ZNF783: variants seen among roughly 807,000 people sequenced by gnomAD.
ZNF783 encodes the protein zinc finger protein 783.
In ZNF783, 25 loss-of-function variants were observed where a neutral mutation model predicts 31.3. The observed-to-expected ratio is 0.80, with a 90% CI of 0.58 to 1.11. ZNF783 has a LOEUF of 1.11. Ranked by LOEUF, ZNF783 falls within the 50% of genes most tolerant of loss-of-function variation. The pLI, the probability that ZNF783 is intolerant of heterozygous loss-of-function variation, is 0.00. For missense variants in ZNF783, 797 were observed against 760.0 expected, an observed-to-expected ratio of 1.05 and a Z score of -0.57; for synonymous variants, 369 against 319.1, an observed-to-expected ratio of 1.16 and a Z score of -1.66.
rs576938540 is a variant in ZNF783 at position 149,266,614 on chromosome 7, T to C, written c.304T>C (p.Leu102=). The C allele has an allele frequency of 2.5e-5, 41 of 1,614,162 alleles. No homozygotes were observed. Among genetic ancestry groups the C allele is most frequent in the Non-Finnish European group, 3.1e-5 (37 of 1,180,038 alleles). Residue 102 remains leucine, a synonymous_variant, in exon 2 of 6, where the codon TTG becomes CTG. Coordinates refer to ENST00000434415, the MANE Select transcript of ZNF783 (RefSeq NM_001195220.2). ...LEGKWAVLGT[L]LQEYGLLQRR... is the part of the protein sequence containing the mutation. Reference sequence around the variant, plus strand: ...GGGCAAGTGGGCCGTGCTGGGGACCTTGCTGCAGGAGTACGGGCTGCTGCA... The same window carrying C: ...GGGCAAGTGGGCCGTGCTGGGGACCCTGCTGCAGGAGTACGGGCTGCTGCA...
Position 149,281,660 on chromosome 7 carries a change from A to G in ZNF783, c.958A>G (p.Met320Val). 2 of 1,524,904 alleles carry G rather than the reference A, an allele frequency of 1.3e-6. No individual in the cohort carries two copies. The highest frequency in any genetic ancestry group is 1.3e-5 in the South Asian group (1 of 79,382). 94.5% of individuals were successfully genotyped at this position (1,524,904 alleles called of 1,614,324 possible). The change falls in exon 6 of 6, where the codon ATG (methionine) becomes GTG (valine). Residue 320 changes from methionine (M) to valine (V), a missense_variant. By Grantham distance (21) the Met-to-Val change is conservative. Transcript: ENST00000434415. Reference sequence around the variant, plus strand: ...CCCCAGCCGTCATCAGGCCCAGGGCATGCCCAGGGTGCGGGCAGGGGAGCC... The same window carrying G: ...CCCCAGCCGTCATCAGGCCCAGGGCGTGCCCAGGGTGCGGGCAGGGGAGCC... Reference protein sequence around the residue: ...GGPSRHQAQGMPRVRAGEPRP... With the variant: ...GGPSRHQAQGVPRVRAGEPRP...
At chr7:149,279,638 T>TTG (rs1257603028) in intron 5 of ZNF783, among the ~76,000 whole-genome samples, 3 of 147,054 alleles carry the variant, frequency 2.0e-5, no homozygotes, top group African/African-American at 7.3e-5. Flanking sequence ...CTTTGTTTTT[T>TTG]TTTTTTTTTT....
At chr7:149,265,276 C>T (rs1797037139) in intron 1 of ZNF783, among the ~76,000 whole-genome samples, 1 of 152,158 alleles carries the variant, frequency 6.6e-6, no homozygotes, top group Admixed American at 6.5e-5. Flanking sequence ...GCTTGTGAAT[C>T]AGATACCAGG....
Position 149,282,419 on chromosome 7 carries a change from A to G in ZNF783, c.*76A>G, listed in dbSNP as rs1585623587. The G allele has an allele frequency of 7.9e-7, 1 of 1,258,358 alleles. No individual in the cohort carries two copies. The highest frequency in any genetic ancestry group is 1.1e-6 in the Non-Finnish European group (1 of 941,936). The allele number at this position is 1,258,358 out of a possible 1,614,324, so 77.9% of individuals were successfully genotyped here. On this transcript the variant is annotated 3_prime_UTR_variant, in exon 6 of 6. Coordinates refer to ENST00000434415, the MANE Select transcript of ZNF783 (RefSeq NM_001195220.2). Reference sequence around the variant, plus strand: ...GACGCAGGTTCTTCCTTTTCCTGGGATGGAGAGAGGTTTGTTGTTTTTACC... The same window carrying G: ...GACGCAGGTTCTTCCTTTTCCTGGGGTGGAGAGAGGTTTGTTGTTTTTACC...
chr7:149,266,327 G>A lies in ZNF783; in HGVS notation c.25-8G>A, dbSNP rs1234274099. The A allele has an allele frequency of 1.3e-6, 2 of 1,546,248 alleles. No homozygotes were observed. The highest frequency in any genetic ancestry group is 8.6e-7 in the Non-Finnish European group (1 of 1,156,314). On this transcript the variant is annotated splice_polypyrimidine_tract_variant and splice_region_variant and intron_variant, in intron 1 of 5. Transcript: ENST00000434415. ...CATAACATCTCTCTTTTCTCTTCTT[G>A]TGAGCAGGACCCCGAGACAGACAAG...
At chr7:149,272,263 C>A (rs1158586823) in intron 4 of ZNF783, among the ~76,000 whole-genome samples, 1 of 152,126 alleles carries the variant, frequency 6.6e-6, no homozygotes, top group Non-Finnish European at 1.5e-5. Flanking sequence ...GATCTACCCT[C>A]CTCAGCCTCC....
intron 4 of ZNF783, among the ~76,000 whole-genome samples, chr7:149,270,781 T>G (rs1411353230): frequency 6.6e-5 from 10 of 152,184 alleles, no homozygotes; most frequent in Admixed American, 6.5e-4. Context: ...TGTCTCTGGA[T>G]TTTTGATTTC....
intron 1 of ZNF783, among the ~76,000 whole-genome samples, chr7:149,265,897 A>G: frequency 6.6e-6 from 1 of 152,226 alleles, no homozygotes; most frequent in African/African-American, 2.4e-5. Context: ...GCCAGCTTGT[A>G]AGTGGCAGAG....
chr7:149,274,357 TC>T (rs1245376718), intron 4 of ZNF783, among the ~76,000 whole-genome samples: 1 of 150,912 alleles, frequency 6.6e-6, no homozygotes, highest in Non-Finnish European at 1.5e-5. Flanking sequence ...CTTTTTTTTT[TC>T]CTTTTCTTTT....
At position 149,267,231 on chromosome 7, in the gene ZNF783, A is replaced by G; in HGVS notation, c.673+9A>G. The G allele has an allele frequency of 1.3e-6, 2 of 1,582,242 alleles. No individual in the cohort carries two copies. The highest frequency in any genetic ancestry group is 1.1e-5 in the South Asian group (1 of 87,762). On this transcript the variant is annotated intron_variant, in intron 4 of 5. Transcript: ENST00000434415. The stretch of plus-strand genomic sequence containing the variant: ...AAGGATGATGGGCACTGGTAAGTAT[A>G]GGAGCCAGATGTGGTTGGGGGGCCG...
intron 4 of ZNF783, among the ~76,000 whole-genome samples, chr7:149,268,780 T>C (rs1190316226): frequency 1.3e-5 from 2 of 152,232 alleles, no homozygotes; most frequent in Non-Finnish European, 2.9e-5. Flanking sequence ...CATGATTTCA[T>C]TCGTTTTTAT....
rs1261791898 is a variant in ZNF783 at position 149,271,665 on chromosome 7, TTTA to T, written c.673+4444_673+4446del. Among the ~76,000 whole-genome samples, 13 of 152,376 alleles carry T rather than the reference TTTA, an allele frequency of 8.5e-5. 1 individual carries two copies. In the South Asian group the frequency reaches 1.4e-3, roughly 17 times the overall value. On this transcript the variant is annotated intron_variant, in intron 4 of 5. Coordinates refer to ENST00000434415, the MANE Select transcript of ZNF783 (RefSeq NM_001195220.2). ...TTTTATGTTTGCGAAGTCAAAATGA[TTTA>T]ACAGGGTAGATTCAAGGAAGTCTCG...
In ZNF783 at chr7:149,281,860, C is replaced by G; in HGVS notation, c.1158C>G (p.Ser386Arg). 4.0e-6 allele frequency: 6 copies of G among 1,499,754 alleles called. No homozygotes were observed. Among genetic ancestry groups the G allele is most frequent in the Non-Finnish European group, 4.4e-6 (5 of 1,133,474 alleles). The allele number at this position is 1,499,754 out of a possible 1,614,324, so 92.9% of individuals were successfully genotyped here. The change falls in exon 6 of 6, where the codon AGC becomes AGG. Residue 386 changes from serine (S) to arginine (R), a missense_variant. Physicochemically the swap from Ser to Arg is moderately radical, Grantham distance 110. Coordinates refer to ENST00000434415, the MANE Select transcript of ZNF783 (RefSeq NM_001195220.2). ...AGGCCCCCGGCCGCTCGCCCACCAG[C>G]TGCGGGGACAGCCAGGCCATGCTGG... ...RQEAPGRSPTSCGDSQAMLEP... is the reference protein window; with the variant it reads ...RQEAPGRSPTRCGDSQAMLEP...
rs1366946043 is a variant in ZNF783, at chr7:149,282,594, G to T, written c.*251G>T. On this transcript the variant is annotated 3_prime_UTR_variant, in exon 6 of 6. Transcript: ENST00000434415. ...TAAGGGATGCCATATTTTTGATAAG[G>T]CCTCTGGTAGGTACCACAGCCAAGA... is the stretch of plus-strand genomic sequence containing the variant. 7 of 460,074 alleles carry T rather than the reference G, an allele frequency of 1.5e-5. No individual in the cohort carries two copies. The highest frequency in any genetic ancestry group is 5.5e-4 in the Middle Eastern group (1 of 1,822). 28.5% of individuals were successfully genotyped at this position (460,074 alleles called of 1,614,324 possible). A position where few individuals can be genotyped will look rare whatever the true frequency, so the allele number is the denominator to read the frequency against.
At position 149,262,225 on chromosome 7, in the gene ZNF783, G is replaced by A; in HGVS notation, c.-109G>A. 9.6e-7 allele frequency: 1 copy of A among 1,036,828 alleles called. No homozygotes were observed. Among genetic ancestry groups the A allele is most frequent in the Non-Finnish European group, 1.3e-6 (1 of 798,378 alleles). 64.2% of individuals were successfully genotyped at this position (1,036,828 alleles called of 1,614,324 possible). ...CGCAGTTCGCTGCCGCCCGGCAGTAGCTCTCAGGTTAGGCGGGTCCCGCTC... is the reference window on the plus strand; with the variant it reads ...CGCAGTTCGCTGCCGCCCGGCAGTAACTCTCAGGTTAGGCGGGTCCCGCTC... On this transcript the variant is annotated 5_prime_UTR_variant, in exon 1 of 6. Coordinates refer to ENST00000434415, the MANE Select transcript of ZNF783 (RefSeq NM_001195220.2).
At position 149,266,722 on chromosome 7, in the gene ZNF783, G is replaced by A; in HGVS notation, c.412G>A (p.Ala138Thr). 1 of 1,613,798 alleles carries A rather than the reference G, an allele frequency of 6.2e-7. No individual in the cohort carries two copies. Among genetic ancestry groups the A allele is most frequent in the Non-Finnish European group, 8.5e-7 (1 of 1,179,884 alleles). The change falls in exon 2 of 6, where the codon GCC becomes ACC. Residue 138 changes from alanine (A) to threonine (T), a missense_variant. By Grantham distance (58) the Ala-to-Thr change is moderately conservative. Transcript: ENST00000434415. ...GCTGCCCCCGGGCAGCAAGGGGGAG[G>A]CCCCCAAGGTAGCACCGGGACACCC... ...LRLPPGSKGE[A>T]PKVPVTFDDV...
At position 149,282,451 on chromosome 7, in the gene ZNF783, A is replaced by G; in HGVS notation, c.*108A>G. ...GAGGTTTGTTGTTTTTACCCATTCA[A>G]ATGGGAAGCTAGCTGCCCTTCTGGT... On this transcript the variant is annotated 3_prime_UTR_variant, in exon 6 of 6. Transcript: ENST00000434415. 2 of 1,014,608 alleles carry G rather than the reference A, an allele frequency of 2.0e-6. No homozygotes were observed. Among genetic ancestry groups the G allele is most frequent in the South Asian group, 1.8e-5 (1 of 56,594 alleles). The allele number at this position is 1,014,608 out of a possible 1,614,324, so 62.9% of individuals were successfully genotyped here.
At chr7:149,272,280 G>A (rs1797225836) in intron 4 of ZNF783, among the ~76,000 whole-genome samples, 1 of 152,154 alleles carries the variant, frequency 6.6e-6, no homozygotes, top group Non-Finnish European at 1.5e-5. Flanking sequence ...CTCCCAAAGT[G>A]TTGAGATTAC....
intron 4 of ZNF783, among the ~76,000 whole-genome samples, chr7:149,267,572 C>T (rs1016413789): frequency 3.3e-5 from 5 of 151,890 alleles, no homozygotes; most frequent in South Asian, 2.1e-4. Context: ...CTGAGGCGGG[C>T]GGATCATGAG....
Sources: gnomAD v4.1 joint callset for allele counts (sites outside exome capture counted in the v4.1 genomes callset) on GRCh38, gnomAD v4.1.1 for gene constraint, MANE v1.5 for transcripts, NCBI Gene and HGNC (gene_info 2026-07-23, HGNC 2026-07-21) for gene names.